CD163: variants seen among roughly 807,000 people sequenced by gnomAD.
The protein encoded by CD163 is CD163 molecule, also known as scavenger receptor cysteine-rich type 1 protein M130.
CD163 carries 64 observed loss-of-function variants against 129.2 expected under a neutral mutation model. The ratio of observed to expected loss-of-function variants is 0.50; its 90% confidence interval spans 0.41 to 0.61. CD163 has a LOEUF of 0.61. Among genes scored for constraint, CD163 ranks in the 20% least tolerant of loss-of-function variants. The pLI, the probability that CD163 is intolerant of heterozygous loss-of-function variation, is 0.00. For missense variants in CD163, 1,061 were observed against 1,377.9 expected, an observed-to-expected ratio of 0.77 and a Z score of 3.64; for synonymous variants, 446 against 478.5, an observed-to-expected ratio of 0.93 and a Z score of 0.89.
intron 4 of CD163, 105 bp downstream of exon 4, chr12:7,498,763 A>G (rs1949437122): frequency 8.9e-7 from 1 of 1,121,752 alleles, no homozygotes; most frequent in Non-Finnish European, 1.3e-6. Context: ...CGGTGACAAA[A>G]GAAGCAGACT....
At chr12:7,499,868 A>T (rs1047435333) in intron 3 of CD163, among the ~76,000 whole-genome samples, 1 of 152,218 alleles carries the variant, frequency 6.6e-6, no homozygotes, top group Non-Finnish European at 1.5e-5. Context: ...GATCTTCAGC[A>T]CCTGTTACAT....
intron 16 of CD163, among the ~76,000 whole-genome samples, chr12:7,475,098 A>AAC (rs1491372186): frequency 9.8e-4 from 3 of 3,072 alleles, no homozygotes; most frequent in Non-Finnish European, 4.3e-3. Context: ...CCTACCAACC[A>AAC]AAAAAAAAAA....
chr12:7,495,898 A>G (rs757838951), intron 5 of CD163, among the ~76,000 whole-genome samples: 2 of 152,222 alleles, frequency 1.3e-5, no homozygotes, highest in Non-Finnish European at 2.9e-5. Flanking sequence ...TAGTTCAACC[A>G]TTATGGAAGA....
rs1056134696 is a variant in CD163 at position 7,487,640 on chromosome 12, G to T, written c.1769C>A (p.Thr590Asn). The T allele has an allele frequency of 6.2e-7, 1 of 1,614,198 alleles. No homozygotes were observed. Among genetic ancestry groups the T allele is most frequent in the South Asian group, 1.1e-5 (1 of 91,082 alleles). Reference protein sequence around the residue: ...YTEIRLVNGKTPCEGRVELKT... With the variant: ...YTEIRLVNGKNPCEGRVELKT... The stretch of plus-strand genomic sequence containing the variant: ...GAGCTCCACTCTGCCCTCACACGGG[G>T]TCTTGCCATTCACCAAGCGAATTTC... Residue 590 changes from threonine to asparagine, a missense_variant, in exon 8 of 17, where the codon ACC becomes AAC. Transcript: ENST00000432237. This position sits in a 1 kb window ranked among gnomAD's most constrained non-coding sequence, Gnocchi z 5.1.
chr12:7,482,695 G>A lies in CD163; in HGVS notation c.3195C>T (p.Phe1065=), dbSNP rs763870346. ...TTTTAGTCAAGAAGAATAATGCGAC[G>A]AAAATGGCCAACAGAACAACCCCAA... is the stretch of plus-strand genomic sequence containing the variant. The part of the protein sequence containing the change: ...GILGVVLLAI[F]VALFFLTKKR... Residue 1065 remains phenylalanine, a synonymous_variant, in exon 14 of 17, where the codon TTC becomes TTT. Coordinates refer to ENST00000432237, the MANE Select transcript of CD163 (RefSeq NM_203416.4). The A allele has an allele frequency of 6.8e-6, 11 of 1,613,962 alleles. No individual in the cohort carries two copies. The highest frequency in any genetic ancestry group is 6.7e-5 in the East Asian group (3 of 44,892).
rs745802652 is a variant in CD163, at chr12:7,473,238, C to A, written c.*32-1841G>T. ...AAATACAGGGAACACCACTAAGATACTCCCCAAGAAGAGCAACCCGAAGAC... is the reference window on the plus strand; with the variant it reads ...AAATACAGGGAACACCACTAAGATAATCCCCAAGAAGAGCAACCCGAAGAC... On this transcript the variant is annotated intron_variant, in intron 16 of 16. Transcript: ENST00000432237. 6 of 152,304 alleles carry A rather than the reference C, an allele frequency of 3.9e-5. No homozygotes were observed. The South Asian group carries it at 1.2e-3, about 32-fold the overall frequency. 9.4% of individuals were successfully genotyped at this position (152,304 alleles called of 1,614,324 possible).
At chr12:7,492,939 G>A (rs1356837437) in intron 6 of CD163, among the ~76,000 whole-genome samples, 4 of 152,144 alleles carry the variant, frequency 2.6e-5, no homozygotes, top group Admixed American at 6.5e-5. Flanking sequence ...CAAACCCACA[G>A]TTTCAAACGG....
At chr12:7,493,320 GAC>G (rs1255497139) in intron 6 of CD163, among the ~76,000 whole-genome samples, 1 of 152,136 alleles carries the variant, frequency 6.6e-6, no homozygotes, top group African/African-American at 2.4e-5. Flanking sequence ...GCGGACAGAA[GAC>G]ACCTTCTCAG....
chr12:7,487,291 C>A lies in CD163; in HGVS notation c.2050+68G>T. ...CTTCAAAATGGATCACTGCGTTTTA[C>A]TTTTGTTCTTCATCCCTATGTACAC... On this transcript the variant is annotated intron_variant, in intron 8 of 16. Coordinates refer to ENST00000432237, the MANE Select transcript of CD163 (RefSeq NM_203416.4). This position sits in a 1 kb window ranked among gnomAD's most constrained non-coding sequence, Gnocchi z 5.1. The A allele has an allele frequency of 2.7e-6, 4 of 1,473,856 alleles. No individual in the cohort carries two copies. Among genetic ancestry groups the A allele is most frequent in the Non-Finnish European group, 3.6e-6 (4 of 1,103,498 alleles). The allele number at this position is 1,473,856 out of a possible 1,614,324, so 91.3% of individuals were successfully genotyped here. A position where few individuals can be genotyped will look rare whatever the true frequency, so the allele number is the denominator to read the frequency against.
intron 6 of CD163, among the ~76,000 whole-genome samples, chr12:7,493,815 A>C (rs947832402): frequency 5.9e-5 from 9 of 152,184 alleles, no homozygotes; most frequent in African/African-American, 1.2e-4. Flanking sequence ...AAGTAACATT[A>C]ATTTTTTAAA....
chr12:7,495,960 C>T (rs778250919), intron 5 of CD163, among the ~76,000 whole-genome samples: 5 of 152,222 alleles, frequency 3.3e-5, no homozygotes, highest in South Asian at 4.2e-4. Context: ...TTTGACCCAG[C>T]GATCCCATTA....
chr12:7,483,038 T>C, intron 12 of CD163, 34 bp from the exon 13 acceptor site: 1 of 1,604,510 alleles, frequency 6.2e-7, no homozygotes, highest in East Asian at 2.2e-5. Flanking sequence ...GGGTTAATTC[T>C]TTGCATGATA....
intron 16 of CD163, among the ~76,000 whole-genome samples, chr12:7,474,406 C>A (rs1949055703): frequency 6.6e-6 from 1 of 152,152 alleles, no homozygotes; most frequent in African/African-American, 2.4e-5. Context: ...CAAATTAGAA[C>A]TCAAGATTAA....
chr12:7,481,318 G>C (rs878868266), intron 14 of CD163, 62 bp from the exon 15 acceptor site: 6 of 1,330,664 alleles, frequency 4.5e-6, no homozygotes, highest in Non-Finnish European at 6.5e-6. Flanking sequence ...CTTGCTGTAA[G>C]TGTGTTTTTT....
At position 7,481,164 on chromosome 12, in the gene CD163, A is replaced by G; in HGVS notation, c.3340T>C (p.Ser1114Pro). 6.2e-7 allele frequency: 1 copy of G among 1,613,804 alleles called. No homozygotes were observed. Among genetic ancestry groups the G allele is most frequent in the Non-Finnish European group, 8.5e-7 (1 of 1,179,764 alleles). ...NADDLDLMNS[S>P]GGHSEPH ...GACCCTCCAAGAACCCACAGACCTG[A>G]GGAATTCATTAGGTCCAGATCATCT... Residue 1114 changes from serine (S) to proline (P), a missense_variant, in exon 15 of 17, where the codon TCA (serine) becomes CCA (proline). Coordinates refer to ENST00000432237, the MANE Select transcript of CD163 (RefSeq NM_203416.4).
In CD163 at chr12:7,500,068, T is replaced by A. The variant is rs749936879; in HGVS notation, c.458-880A>T. Among the ~76,000 whole-genome samples the A allele has an allele frequency of 3.3e-5, 5 of 152,204 alleles. No homozygotes were observed. The South Asian group carries it at 1.0e-3, about 32-fold the overall frequency. Reference sequence around the variant, plus strand: ...ATGATGCCTGGACAGAGATAAGTCCTTTCTATAGTCAGTCCTATGGGAGAG... The same window carrying A: ...ATGATGCCTGGACAGAGATAAGTCCATTCTATAGTCAGTCCTATGGGAGAG... On this transcript the variant is annotated intron_variant, in intron 3 of 16. Transcript: ENST00000432237.
At chr12:7,501,078 T>A (rs1949477626) in intron 3 of CD163, 61 bp downstream of exon 3, 2 of 1,437,906 alleles carry the variant, frequency 1.4e-6, no homozygotes, top group African/African-American at 2.8e-5. Flanking sequence ...TTTTAACCCA[T>A]CTACATATTT....
intron 14 of CD163, 59 bp from the exon 15 acceptor site, chr12:7,481,315 T>C: frequency 7.4e-7 from 1 of 1,346,230 alleles, no homozygotes; most frequent in Non-Finnish European, 1.1e-6. Context: ...TCCCTTGCTG[T>C]AAGTGTGTTT....
At chr12:7,474,425 C>T (rs1445566250) in intron 16 of CD163, among the ~76,000 whole-genome samples, 1 of 152,200 alleles carries the variant, frequency 6.6e-6, no homozygotes, top group Non-Finnish European at 1.5e-5. Context: ...AAGAAACTCA[C>T]TCGAAACCTC....
Sources: gnomAD v4.1 joint callset for allele counts (sites outside exome capture counted in the v4.1 genomes callset) on GRCh38, gnomAD v4.1.1 for gene constraint, Gnocchi (gnomAD v3.1) non-coding constraint, MANE v1.5 for transcripts, NCBI Gene and HGNC (gene_info 2026-07-23, HGNC 2026-07-21) for gene names.